SYNDIG1: variants seen among roughly 807,000 people sequenced by gnomAD.
The protein encoded by SYNDIG1 is synapse differentiation inducing 1.
SYNDIG1 carries 9 observed loss-of-function variants against 19.4 expected under a neutral mutation model. The ratio of observed to expected loss-of-function variants is 0.46; its 90% CI spans 0.28 to 0.81. SYNDIG1 has a LOEUF of 0.81. Among genes scored for constraint, SYNDIG1 ranks in the 30% least tolerant of loss-of-function variants. The pLI, the probability that SYNDIG1 is intolerant of heterozygous loss-of-function variation, is 0.12. For synonymous variants in SYNDIG1, 141 were observed against 145.9 expected, an observed-to-expected ratio of 0.97 and a Z score of 0.24; for missense variants, 311 against 343.3, an observed-to-expected ratio of 0.91 and a Z score of 0.74.
At chr20:24,553,093 C>G (rs2057739019) in intron 2 of SYNDIG1, among the ~76,000 whole-genome samples, 1 of 151,578 alleles carries the variant, frequency 6.6e-6, no homozygotes, top group Non-Finnish European at 1.5e-5. Flanking sequence ...TGTTTTTTGG[C>G]TGCATAAATG....
intron 3 of SYNDIG1, among the ~76,000 whole-genome samples, chr20:24,591,105 T>C (rs1436834714): frequency 6.8e-6 from 1 of 146,244 alleles, no homozygotes; most frequent in African/African-American, 2.5e-5. Context: ...TGTGTGTGTG[T>C]GTGCACTTTT....
intron 1 of SYNDIG1, among the ~76,000 whole-genome samples, chr20:24,479,464 G>C (rs1439959170): frequency 6.6e-6 from 1 of 152,112 alleles, no homozygotes. Context: ...CTCTGGGGCA[G>C]CAGCCTCAGT....
intron 1 of SYNDIG1, among the ~76,000 whole-genome samples, chr20:24,472,681 A>T (rs2146185052): frequency 6.6e-6 from 1 of 152,252 alleles, no homozygotes; most frequent in African/African-American, 2.4e-5. Context: ...TGTGATATTC[A>T]CTGTGACTTC....
At chr20:24,556,572 T>G (rs559751728) in intron 2 of SYNDIG1, among the ~76,000 whole-genome samples, 34 of 152,194 alleles carry the variant, frequency 2.2e-4, no homozygotes, top group Non-Finnish European at 4.0e-4. Flanking sequence ...TGAAGCTTAG[T>G]TTGGCGGGAT....
intron 1 of SYNDIG1, among the ~76,000 whole-genome samples, chr20:24,517,157 G>T (rs933496167): frequency 6.6e-6 from 1 of 152,032 alleles, no homozygotes; most frequent in African/African-American, 2.4e-5. Context: ...GGTTTTGGGT[G>T]GGGGAAGCAG....
Position 24,482,632 on chromosome 20 carries a change from A to T in SYNDIG1, c.-79+12879A>T, listed in dbSNP as rs141444248. ...CGCAGAGTATGTGTATCTTGCTTCCAGTAATGAACTGTCAGAAAAAAACTA... is the reference window on the plus strand; with the variant it reads ...CGCAGAGTATGTGTATCTTGCTTCCTGTAATGAACTGTCAGAAAAAAACTA... On this transcript the variant is annotated intron_variant, in intron 1 of 3. Coordinates refer to ENST00000376862, the MANE Select transcript of SYNDIG1 (RefSeq NM_024893.3). Among the ~76,000 whole-genome samples, 256 of 152,310 alleles carry T rather than the reference A, an allele frequency of 1.7e-3. 1 individual carries two copies. The highest frequency in any genetic ancestry group is 5.5e-3 in the African/African-American group (230 of 41,570).
At chr20:24,492,121 G>A (rs1195075626) in intron 1 of SYNDIG1, among the ~76,000 whole-genome samples, 3 of 152,118 alleles carry the variant, frequency 2.0e-5, no homozygotes, top group Admixed American at 6.5e-5. Flanking sequence ...ATCTTGTCGC[G>A]TCCGTGTCCA....
At chr20:24,557,001 A>G (rs1438197667) in intron 2 of SYNDIG1, among the ~76,000 whole-genome samples, 2 of 152,000 alleles carry the variant, frequency 1.3e-5, no homozygotes, top group Non-Finnish European at 2.9e-5. Flanking sequence ...GGTGTTGTTC[A>G]TTTCTTTTTA....
intron 3 of SYNDIG1, among the ~76,000 whole-genome samples, chr20:24,662,994 C>T (rs1825619669): frequency 6.6e-6 from 1 of 152,224 alleles, no homozygotes; most frequent in Admixed American, 6.5e-5. Flanking sequence ...TTCCCATTTG[C>T]ACCCTGCCAA....
At chr20:24,508,780 G>A (rs1319588353) in intron 1 of SYNDIG1, among the ~76,000 whole-genome samples, 1 of 152,132 alleles carries the variant, frequency 6.6e-6, no homozygotes, top group Non-Finnish European at 1.5e-5. Flanking sequence ...CCATGAGTGT[G>A]CACCAGCTCC....
In SYNDIG1 at chr20:24,543,279, G is replaced by T. The variant is rs756556534; in HGVS notation, c.182G>T (p.Ser61Ile). ...HRVGASTVPA[S>I]LDSSRSEPMQ... ...GTGGGGGCCAGCACAGTGCCGGCCA[G>T]CCTGGACAGCAGCAGGAGTGAGCCG... Residue 61 changes from serine (S) to isoleucine (I), a missense_variant, in exon 2 of 4, where the codon AGC becomes ATC. Ser to Ile is a moderately radical substitution (Grantham distance 142). Transcript: ENST00000376862. The T allele has an allele frequency of 5.0e-6, 8 of 1,613,626 alleles. No individual in the cohort carries two copies. In the Admixed American group the frequency reaches 1.3e-4, roughly 27 times the overall value.
rs141787860 is a variant in SYNDIG1 at position 24,533,637 on chromosome 20, G to T, written c.-78-9383G>T. ...TACAGCAAGTTGATCTCTGGGGGGC[G>T]CTGGGGAAGTGTCAAACACCAGCCT... On this transcript the variant is annotated intron_variant, in intron 1 of 3. Transcript: ENST00000376862. Among the ~76,000 whole-genome samples the T allele has an allele frequency of 6.6e-5, 10 of 152,132 alleles. No homozygotes were observed. In the East Asian group the frequency reaches 2.0e-3, roughly 30 times the overall value.
chr20:24,616,639 A>G (rs771668538), intron 3 of SYNDIG1, among the ~76,000 whole-genome samples: 38 of 152,362 alleles, frequency 2.5e-4, no homozygotes, highest in Non-Finnish European at 4.0e-4. Flanking sequence ...AGGCCCCTGC[A>G]AGGCGGAGCA....
At chr20:24,545,422 C>T (rs2057556664) in intron 2 of SYNDIG1, among the ~76,000 whole-genome samples, 1 of 152,122 alleles carries the variant, frequency 6.6e-6, no homozygotes, top group African/African-American at 2.4e-5. Context: ...GCTTTGCTGA[C>T]AGCAAAGCGT....
In SYNDIG1 at chr20:24,543,082, C is replaced by A. The variant is rs2057497619; in HGVS notation, c.-16C>A. The A allele has an allele frequency of 3.1e-6, 5 of 1,606,202 alleles. No homozygotes were observed. In the East Asian group the frequency reaches 1.1e-4, roughly 36 times the overall value. The stretch of plus-strand genomic sequence containing the variant: ...CCCAGCCCACCAGCCTGACGCCCAG[C>A]CAGGGAGAGAGTACCATGGATGGCA... On this transcript the variant is annotated 5_prime_UTR_variant, in exon 2 of 4. Coordinates refer to ENST00000376862, the MANE Select transcript of SYNDIG1 (RefSeq NM_024893.3).
intron 1 of SYNDIG1, among the ~76,000 whole-genome samples, chr20:24,473,059 A>G (rs1347290514): frequency 2.0e-5 from 3 of 152,174 alleles, no homozygotes; most frequent in Middle Eastern, 3.2e-3. Flanking sequence ...TGCAGGCTCC[A>G]TCTCAGAGTA....
chr20:24,544,135 A>G (rs1176196872), intron 2 of SYNDIG1, among the ~76,000 whole-genome samples: 1 of 152,074 alleles, frequency 6.6e-6, no homozygotes, highest in Non-Finnish European at 1.5e-5. Flanking sequence ...TCTTTAATGG[A>G]CTGGAGGGCA....
intron 1 of SYNDIG1, among the ~76,000 whole-genome samples, chr20:24,504,893 C>T (rs999313797): frequency 2.6e-5 from 4 of 152,144 alleles, no homozygotes; most frequent in African/African-American, 9.7e-5. Flanking sequence ...GCTGCAATAG[C>T]CCAGTAAGGA....
intron 1 of SYNDIG1, among the ~76,000 whole-genome samples, chr20:24,534,974 A>G (rs1456849136): frequency 6.6e-6 from 1 of 152,076 alleles, no homozygotes; most frequent in Non-Finnish European, 1.5e-5. Context: ...CTGGAGTATT[A>G]TTTTGTCACC....
Sources: gnomAD v4.1 joint callset for allele counts (sites outside exome capture counted in the v4.1 genomes callset) on GRCh38, gnomAD v4.1.1 for gene constraint, MANE v1.5 for transcripts, NCBI Gene and HGNC (gene_info 2026-07-23, HGNC 2026-07-21) for gene names.